Variants in SCP2 observed in about 807,000 individuals in gnomAD.
SCP2 encodes sterol carrier protein 2.
SCP2 carries 48 observed loss-of-function variants against 71.4 expected under a neutral mutation model. That is an observed-to-expected ratio of 0.67 (90% confidence interval 0.53 to 0.86). SCP2 has a LOEUF of 0.86. SCP2 is among the 40% of genes least tolerant of loss of function. The pLI, the probability that SCP2 is intolerant of heterozygous loss-of-function variation, is 0.00. For missense variants in SCP2, 560 were observed against 655.6 expected (o/e 0.85, Z 1.59); for synonymous variants, 220 against 218.1 (o/e 1.01, Z -0.08).
intron 11 of SCP2, among the ~76,000 whole-genome samples, chr1:53,000,024 C>T (rs1291879097): frequency 1.3e-5 from 2 of 151,812 alleles, no homozygotes; most frequent in Non-Finnish European, 2.9e-5. Context: ...ACTATGTTGG[C>T]CAGGCTGGCC....
At chr1:52,950,922 C>A (rs775443069) in intron 4 of SCP2, 36 bp downstream of exon 4, 1 of 1,599,592 alleles carries the variant, frequency 6.3e-7, no homozygotes, top group South Asian at 1.1e-5. Flanking sequence ...TAAATATTGC[C>A]CCATTTTAAT....
intron 2 of SCP2, among the ~76,000 whole-genome samples, chr1:52,945,798 T>G (rs1345161987): frequency 6.6e-6 from 1 of 152,026 alleles, no homozygotes; most frequent in Non-Finnish European, 1.5e-5. Flanking sequence ...TCCCAAGTTT[T>G]TGATATTTTA....
chr1:52,948,990 G>T (rs77816815), intron 3 of SCP2, among the ~76,000 whole-genome samples: 6,403 of 151,462 alleles, frequency 0.042, 391 homozygotes, highest in African/African-American at 0.13. Flanking sequence ...GGTGTGTGTG[G>T]GAACCCCTAC....
intron 11 of SCP2, among the ~76,000 whole-genome samples, chr1:53,014,445 C>A (rs747127739): frequency 2.6e-5 from 4 of 152,128 alleles, no homozygotes; most frequent in Non-Finnish European, 5.9e-5. Context: ...CAGAACCTTT[C>A]TTGTGAATAT....
At chr1:53,027,055 T>C (rs892425041) in intron 12 of SCP2, among the ~76,000 whole-genome samples, 11 of 151,782 alleles carry the variant, frequency 7.2e-5, no homozygotes, top group Non-Finnish European at 1.5e-4. Flanking sequence ...CCTTCCACTT[T>C]AGCCTCCTGA....
chr1:52,984,687 G>A (rs1437580784), intron 10 of SCP2, among the ~76,000 whole-genome samples: 28 of 140,346 alleles, frequency 2.0e-4, no homozygotes, highest in Non-Finnish European at 2.3e-4. Flanking sequence ...GCAGGCATGC[G>A]CCACCATGCC....
intron 10 of SCP2, among the ~76,000 whole-genome samples, chr1:52,982,958 C>G (rs745529818): frequency 6.6e-6 from 1 of 152,062 alleles, no homozygotes; most frequent in African/African-American, 2.4e-5. Flanking sequence ...TCTTGAACAC[C>G]CAAGTTTTTC....
chr1:53,029,266 G>T (rs966099503), intron 13 of SCP2, among the ~76,000 whole-genome samples: 210 of 140,416 alleles, frequency 1.5e-3, no homozygotes, highest in African/African-American at 5.0e-3. Context: ...ATCTCTTTCT[G>T]TTTTTTTTTT....
chr1:52,972,771 C>G (rs1207640193), intron 6 of SCP2, among the ~76,000 whole-genome samples: 1 of 152,194 alleles, frequency 6.6e-6, no homozygotes, highest in Admixed American at 6.5e-5. Context: ...ATATCTGAAG[C>G]CAGCCTGACC....
At chr1:53,013,002 A>T (rs948964690) in intron 11 of SCP2, among the ~76,000 whole-genome samples, 3 of 151,390 alleles carry the variant, frequency 2.0e-5, no homozygotes, top group Non-Finnish European at 4.4e-5. Context: ...AGTAAAACTG[A>T]TTGCCCCCAA....
intron 4 of SCP2, among the ~76,000 whole-genome samples, chr1:52,952,791 G>A (rs368277104): frequency 1.3e-5 from 2 of 152,074 alleles, no homozygotes; most frequent in East Asian, 3.9e-4. Context: ...AGCGGGGAGG[G>A]CGTAGATAAT....
chr1:53,031,461 CA>C (rs1345838910), intron 13 of SCP2, among the ~76,000 whole-genome samples: 1 of 152,192 alleles, frequency 6.6e-6, no homozygotes, highest in Non-Finnish European at 1.5e-5. Flanking sequence ...GGCAGCCTGG[CA>C]AAAGATTTTA....
chr1:52,928,567 G>A lies in SCP2; in HGVS notation c.69+1102G>A, dbSNP rs751224464. ...AGGCCAAGGCGGGTGGATCACCTGAGGTCAAGAGTTCGAGACCAGCCTGGC... is the reference window on the plus strand; with the variant it reads ...AGGCCAAGGCGGGTGGATCACCTGAAGTCAAGAGTTCGAGACCAGCCTGGC... On this transcript the variant is annotated intron_variant, in intron 1 of 15. Coordinates refer to ENST00000371514, the MANE Select transcript of SCP2 (RefSeq NM_002979.5). 2.0e-5 allele frequency: 3 copies of A among 152,420 alleles called. No homozygotes were observed. In the East Asian group the frequency reaches 5.8e-4, roughly 29 times the overall value. 9.4% of individuals were successfully genotyped at this position (152,420 alleles called of 1,614,324 possible).
intron 11 of SCP2, among the ~76,000 whole-genome samples, chr1:53,014,293 C>A (rs1052816898): frequency 1.3e-5 from 2 of 152,134 alleles, no homozygotes; most frequent in African/African-American, 4.8e-5. Context: ...TGGGTTCTAA[C>A]CTTACCTCTG....
intron 11 of SCP2, among the ~76,000 whole-genome samples, chr1:53,012,590 T>C (rs528810121): frequency 6.6e-6 from 1 of 152,292 alleles, no homozygotes; most frequent in South Asian, 2.1e-4. Context: ...TTCACTGTTA[T>C]AACAGTATGA....
chr1:52,986,986 G>GTATATATATATA (rs1222189292), intron 10 of SCP2, among the ~76,000 whole-genome samples: 3 of 101,402 alleles, frequency 3.0e-5, no homozygotes, highest in East Asian at 3.5e-4. Flanking sequence ...TTTTTCTTCT[G>GTATATATATATA]TATATATATA....
chr1:52,986,701 A>G (rs1318969523), intron 10 of SCP2, among the ~76,000 whole-genome samples: 2 of 152,138 alleles, frequency 1.3e-5, no homozygotes, highest in African/African-American at 2.4e-5. Flanking sequence ...GGAAATGAGA[A>G]TGATAGCACC....
intron 11 of SCP2, among the ~76,000 whole-genome samples, chr1:52,988,688 CTT>C (rs71744669): frequency 2.4e-4 from 32 of 133,386 alleles, no homozygotes; most frequent in African/African-American, 5.0e-4. Context: ...TCTTTCTTTT[CTT>C]TTTTTTTTTT....
intron 12 of SCP2, among the ~76,000 whole-genome samples, chr1:53,022,831 GT>G (rs1394827032): frequency 6.6e-6 from 1 of 152,082 alleles, no homozygotes; most frequent in Non-Finnish European, 1.5e-5. Context: ...AGCAGAGCCT[GT>G]TTTAGGCCTT....
Sources: gnomAD v4.1 joint callset for allele counts (sites outside exome capture counted in the v4.1 genomes callset) on GRCh38, gnomAD v4.1.1 for gene constraint, MANE v1.5 for transcripts, NCBI Gene and HGNC (gene_info 2026-07-23, HGNC 2026-07-21) for gene names.